Variants in TOMM34 observed in about 807,000 individuals in gnomAD.
TOMM34 encodes translocase of outer mitochondrial membrane 34, also known as mitochondrial import receptor subunit TOM34.
A neutral mutation model predicts 37.4 loss-of-function variants in TOMM34; 24 were observed. The ratio of observed to expected loss-of-function variants is 0.64; its 90% CI spans 0.46 to 0.90. TOMM34 has a LOEUF of 0.90. Ranked by LOEUF, TOMM34 falls within the 40% of genes least tolerant of loss-of-function variation. The pLI, the probability that TOMM34 is intolerant of heterozygous loss-of-function variation, is 0.00. For synonymous variants in TOMM34, 154 were observed against 148.9 expected (o/e 1.03, Z -0.25); for missense variants, 304 against 375.6 (o/e 0.81, Z 1.58).
rs192913753 is a variant in TOMM34, at chr20:44,944,223, A to C, written c.699-644T>G. 4.6e-5 allele frequency among the ~76,000 whole-genome samples: 7 copies of C among 152,334 alleles called. No individual in the cohort carries two copies. The East Asian group carries it at 1.2e-3, about 25-fold the overall frequency. On this transcript the variant is annotated intron_variant, in intron 5 of 6. Transcript: ENST00000372813. Reference sequence around the variant, plus strand: ...ATTTTCATAATAAAATGTTGGAAAAAAGTTATGTGCATCCATACAATATAT... The same window carrying C: ...ATTTTCATAATAAAATGTTGGAAAACAGTTATGTGCATCCATACAATATAT...
At chr20:44,960,141 G>T in intron 1 of TOMM34, 66 bp downstream of exon 1, 2 of 1,500,608 alleles carry the variant, frequency 1.3e-6, no homozygotes, top group Non-Finnish European at 1.8e-6. Context: ...GCCGCGCGAG[G>T]CCCGGGCGGT....
chr20:44,951,690 G>T (rs2067027572), intron 4 of TOMM34, 143 bp downstream of exon 4: 2 of 1,003,384 alleles, frequency 2.0e-6, no homozygotes, highest in Non-Finnish European at 2.8e-6. Flanking sequence ...TCTCTAAGAG[G>T]TGAAGACTTG....
intron 5 of TOMM34, 105 bp from the exon 6 acceptor site, chr20:44,943,684 T>G (rs1339639439): frequency 6.7e-6 from 10 of 1,500,170 alleles, no homozygotes; most frequent in Non-Finnish European, 9.1e-6. Context: ...ACACCTACTC[T>G]GTGCTGGTTA....
rs138361164 is a variant in TOMM34 at position 44,948,560 on chromosome 20, T to A, written c.698+170A>T. On this transcript the variant is annotated intron_variant, in intron 5 of 6. Transcript: ENST00000372813. ...TTTGGCATCCCTCAGTTTCTACCCTTTTGAGAGAATGAATGCCACTGGTCA... is the reference window on the plus strand; with the variant it reads ...TTTGGCATCCCTCAGTTTCTACCCTATTGAGAGAATGAATGCCACTGGTCA... 2.6e-5 allele frequency among the ~76,000 whole-genome samples: 4 copies of A among 152,324 alleles called. No homozygotes were observed. The East Asian group carries it at 7.7e-4, about 29-fold the overall frequency.
intron 2 of TOMM34, among the ~76,000 whole-genome samples, chr20:44,956,148 C>T (rs1163117496): frequency 6.6e-6 from 1 of 152,224 alleles, no homozygotes; most frequent in African/African-American, 2.4e-5. Context: ...CTGCTTCTAA[C>T]TGCCCATCCC....
At chr20:44,959,360 T>C (rs1460134980) in intron 1 of TOMM34, among the ~76,000 whole-genome samples, 1 of 152,206 alleles carries the variant, frequency 6.6e-6, no homozygotes, top group South Asian at 2.1e-4. Flanking sequence ...GTCTGCGGTA[T>C]GCTGACGAAA....
chr20:44,956,141 C>T (rs938884456), intron 2 of TOMM34, among the ~76,000 whole-genome samples: 2 of 152,308 alleles, frequency 1.3e-5, no homozygotes, highest in African/African-American at 4.8e-5. Context: ...TTACGGCCTG[C>T]TTCTAACTGC....
In TOMM34 at chr20:44,960,247, G is replaced by A. The variant is rs757145523; in HGVS notation, c.87C>T (p.Ser29=). 67 of 1,568,262 alleles carry A rather than the reference G, an allele frequency of 4.3e-5. No homozygotes were observed. The highest frequency in any genetic ancestry group is 4.1e-5 in the Non-Finnish European group (48 of 1,157,490). Residue 29 remains serine (S), a synonymous_variant, in exon 1 of 7, where the codon TCC becomes TCT. Coordinates refer to ENST00000372813, the MANE Select transcript of TOMM34 (RefSeq NM_006809.5). ...CCCGCAGCGCGCGGCCGTAGAGCGC[G>A]GAGGCCTCGGCGTACTGGCCGTTGC... The part of the protein sequence containing the change: ...SFRNGQYAEA[S]ALYGRALRVL...
intron 5 of TOMM34, among the ~76,000 whole-genome samples, 185 bp from the exon 6 acceptor site, chr20:44,943,764 G>C (rs1044128386): frequency 6.6e-6 from 1 of 152,114 alleles, no homozygotes; most frequent in Non-Finnish European, 1.5e-5. Flanking sequence ...GGCTCAGAAG[G>C]GTAAAGGAAC....
intron 3 of TOMM34, among the ~76,000 whole-genome samples, chr20:44,954,687 G>A (rs1182040962): frequency 1.3e-5 from 2 of 152,166 alleles, no homozygotes; most frequent in Non-Finnish European, 2.9e-5. Flanking sequence ...TGTCATAGCT[G>A]CTTGGGCTTG....
intron 5 of TOMM34, among the ~76,000 whole-genome samples, chr20:44,946,523 A>G (rs148893076): frequency 6.6e-6 from 1 of 152,350 alleles, no homozygotes; most frequent in Non-Finnish European, 1.5e-5. Flanking sequence ...GTGGTCACTA[A>G]TTCATCTTTC....
chr20:44,953,181 C>T (rs1293659900), intron 3 of TOMM34, among the ~76,000 whole-genome samples: 1 of 152,144 alleles, frequency 6.6e-6, no homozygotes, highest in Non-Finnish European at 1.5e-5. Flanking sequence ...ACTCTTTCCT[C>T]ACCTAATAAA....
At chr20:44,958,144 A>G (rs6103940) in intron 1 of TOMM34, among the ~76,000 whole-genome samples, 110 of 146,980 alleles carry the variant, frequency 7.5e-4, no homozygotes, top group African/African-American at 1.8e-3. Flanking sequence ...ATGTATATAT[A>G]TGTGTGTGTG....
In TOMM34 at chr20:44,943,364, G is replaced by T. The variant is rs922086969; in HGVS notation, c.825+89C>A. On this transcript the variant is annotated intron_variant, in intron 6 of 6. Transcript: ENST00000372813. ...ATGAGAAGGAAAAGCTGCAGATATT[G>T]TCTCAGCTTGGCTACACCCTGTAAA... 6.3e-6 allele frequency: 10 copies of T among 1,599,936 alleles called. No individual in the cohort carries two copies. In the African/African-American group the frequency reaches 1.2e-4, roughly 19 times the overall value.
chr20:44,957,285 C>A (rs947887484), intron 1 of TOMM34, among the ~76,000 whole-genome samples: 2 of 152,020 alleles, frequency 1.3e-5, no homozygotes, highest in African/African-American at 4.8e-5. Context: ...CTCCTGGGTT[C>A]AAGCAATTCT....
chr20:44,944,982 C>T (rs1289326728), intron 5 of TOMM34, among the ~76,000 whole-genome samples: 1 of 152,200 alleles, frequency 6.6e-6, no homozygotes, highest in Non-Finnish European at 1.5e-5. Context: ...AGAATACCTT[C>T]CCCACTGCAA....
At chr20:44,946,214 A>C (rs1271295511) in intron 5 of TOMM34, among the ~76,000 whole-genome samples, 2 of 152,210 alleles carry the variant, frequency 1.3e-5, no homozygotes, top group Non-Finnish European at 2.9e-5. Flanking sequence ...ATTTAAAGAA[A>C]TAGCCAAGTG....
At chr20:44,952,664 C>T in intron 3 of TOMM34, 1 of 717,466 alleles carries the variant, frequency 1.4e-6, no homozygotes, top group Non-Finnish European at 2.6e-6. Flanking sequence ...AAATGCCACC[C>T]AGAGACCAAG....
chr20:44,943,138 G>C lies in TOMM34; in HGVS notation c.901C>G (p.Arg301Gly), dbSNP rs779621370. ...EPRNGPAQKL[R>G]QEVKQNLH ...TGTAGGTTCTGCTTCACTTCCTGCC[G>C]CAACTTCTGTGCAGGACCATTCCTA... Residue 301 changes from arginine (R) to glycine (G), a missense_variant, in exon 7 of 7, where the codon CGG becomes GGG. Physicochemically the swap from Arg to Gly is moderately radical, Grantham distance 125 (BLOSUM62 -2). Coordinates refer to ENST00000372813, the MANE Select transcript of TOMM34 (RefSeq NM_006809.5). 2 of 1,614,134 alleles carry C rather than the reference G, an allele frequency of 1.2e-6. No homozygotes were observed. Among genetic ancestry groups the C allele is most frequent in the South Asian group, 2.2e-5 (2 of 91,078 alleles).
Sources: gnomAD v4.1 joint callset for allele counts (sites outside exome capture counted in the v4.1 genomes callset) on GRCh38, gnomAD v4.1.1 for gene constraint, MANE v1.5 for transcripts, NCBI Gene and HGNC (gene_info 2026-07-23, HGNC 2026-07-21) for gene names.